Variants in DOCK4 observed in about 807,000 individuals in gnomAD.
DOCK4 encodes the protein dedicator of cytokinesis 4.
A neutral mutation model predicts 268.1 loss-of-function variants in DOCK4; 97 were observed. The ratio of observed to expected loss-of-function variants is 0.36; its 90% CI spans 0.31 to 0.43. DOCK4 has a LOEUF of 0.43. Among genes scored for constraint, DOCK4 ranks in the 20% least tolerant of loss-of-function variants. The probability of loss-of-function intolerance (pLI) is 1.00; values close to 1 mark genes in which losing one functional copy is unlikely to be tolerated. For missense variants in DOCK4, 2,145 were observed against 2,455.7 expected (o/e 0.87, Z 2.67); for synonymous variants, 954 against 887.2 (o/e 1.08, Z -1.34).
At chr7:111,831,588 G>T (rs931973182) in intron 26 of DOCK4, among the ~76,000 whole-genome samples, 2 of 151,670 alleles carry the variant, frequency 1.3e-5, no homozygotes, top group Non-Finnish European at 2.9e-5. Flanking sequence ...TGGCTGAAGC[G>T]ATACTCCCAT....
At chr7:111,782,782 A>G in intron 35 of DOCK4, 82 bp downstream of exon 35, 1 of 1,392,614 alleles carries the variant, frequency 7.2e-7, no homozygotes, top group Non-Finnish European at 1.0e-6. Flanking sequence ...ATTGCAGATT[A>G]AACACAAACA....
In DOCK4 at chr7:112,090,309, A is replaced by G. The variant is rs543263391; in HGVS notation, c.38-86178T>C. Among the ~76,000 whole-genome samples the G allele has an allele frequency of 3.3e-5, 5 of 152,246 alleles. No homozygotes were observed. The East Asian group carries it at 9.7e-4, about 29-fold the overall frequency. ...CTAATTATATTTTGAGATTGGGGGGAAGAAATTATGCATTTAGACATTCTG... is the reference window on the plus strand; with the variant it reads ...CTAATTATATTTTGAGATTGGGGGGGAGAAATTATGCATTTAGACATTCTG... On this transcript the variant is annotated intron_variant, in intron 1 of 52. Coordinates refer to ENST00000428084, the MANE Select transcript of DOCK4 (RefSeq NM_001363540.2).
intron 1 of DOCK4, among the ~76,000 whole-genome samples, chr7:112,180,777 G>T (rs531153936): frequency 9.3e-4 from 142 of 152,312 alleles, no homozygotes; most frequent in Non-Finnish European, 1.7e-3. Context: ...AGGGGCAGGG[G>T]TTGGCAAAGC....
At chr7:111,847,302 A>G (rs1804185168) in intron 23 of DOCK4, among the ~76,000 whole-genome samples, 176 bp from the exon 24 acceptor site, 1 of 152,246 alleles carries the variant, frequency 6.6e-6, no homozygotes, top group Non-Finnish European at 1.5e-5. Flanking sequence ...TCCCTAATGC[A>G]CAATTCCTAC....
chr7:111,989,299 G>GTTTGTCTGTTC, intron 5 of DOCK4, 136 bp from the exon 6 acceptor site: 1 of 1,180,032 alleles, frequency 8.5e-7, no homozygotes, highest in Non-Finnish European at 1.2e-6. Context: ...TCCGTGAACA[G>GTTTGTCTGTTC]ACAAACTGTT....
chr7:111,758,833 C>G (rs749982444), intron 40 of DOCK4, 43 bp from the exon 41 acceptor site: 1 of 1,597,726 alleles, frequency 6.3e-7, no homozygotes, highest in South Asian at 1.1e-5. Context: ...TTGGCAAACT[C>G]CATGGAAGTC....
intron 1 of DOCK4, among the ~76,000 whole-genome samples, chr7:112,026,474 G>A (rs889493590): frequency 2.2e-4 from 34 of 152,294 alleles, no homozygotes; most frequent in Admixed American, 1.7e-3. Flanking sequence ...GTTGGGGACC[G>A]CTGCCCTAAA....
chr7:111,841,354 G>A (rs1227347278), intron 25 of DOCK4, among the ~76,000 whole-genome samples: 4 of 151,982 alleles, frequency 2.6e-5, no homozygotes, highest in South Asian at 4.2e-4. Context: ...TTTAGTGGGG[G>A]TTTCAAGATG....
Position 111,736,960 on chromosome 7 carries a change from C to T in DOCK4, c.5262G>A (p.Gly1754=), listed in dbSNP as rs1795541528. ...GATTTGGGTCACTGCGTGGCAAGGC[C>T]CCGTCTCCAATATGATTAAACAGCA... is the stretch of plus-strand genomic sequence containing the variant. The part of the protein sequence containing the change: ...QRMLFNHIGD[G]ALPRSDPNLS... The change falls in exon 50 of 53, where the codon GGG becomes GGA. Residue 1754 remains glycine (G), a synonymous_variant. Transcript: ENST00000428084. The T allele has an allele frequency of 6.2e-7, 1 of 1,604,862 alleles. No individual in the cohort carries two copies. Among genetic ancestry groups the T allele is most frequent in the Non-Finnish European group, 8.5e-7 (1 of 1,175,710 alleles).
chr7:112,023,497 C>G, intron 1 of DOCK4: 1 of 340,640 alleles, frequency 2.9e-6, no homozygotes, highest in Non-Finnish European at 5.8e-6. Context: ...CTTTGCTTCT[C>G]ACGGAGCAAA....
intron 1 of DOCK4, among the ~76,000 whole-genome samples, chr7:112,188,757 G>A (rs186043543): frequency 1.1e-3 from 169 of 152,280 alleles, no homozygotes; most frequent in Non-Finnish European, 1.9e-3. Flanking sequence ...TAAGTCAGTG[G>A]TTTTCAAACC....
chr7:112,187,662 C>T (rs2116756813), intron 1 of DOCK4, among the ~76,000 whole-genome samples: 1 of 152,232 alleles, frequency 6.6e-6, no homozygotes, highest in South Asian at 2.1e-4. Flanking sequence ...GAATGTCATG[C>T]CATGATGACA....
intron 1 of DOCK4, among the ~76,000 whole-genome samples, chr7:112,113,762 T>C (rs1811879423): frequency 8.9e-6 from 1 of 112,806 alleles, no homozygotes; most frequent in Non-Finnish European, 1.8e-5. Context: ...TTTTTTTTTT[T>C]TTTTTTTTTT....
In DOCK4 at chr7:111,935,534, A is replaced by G. The variant is rs760012371; in HGVS notation, c.1066+6T>C. On this transcript the variant is annotated splice_donor_region_variant and intron_variant, in intron 12 of 52. Transcript: ENST00000428084. ...GTAGGGAAAGTCAGCCAGCCCATAC[A>G]CTCACCTGCATTGGAGCCAGTCAAG... 16 of 1,612,004 alleles carry G rather than the reference A, an allele frequency of 9.9e-6. No homozygotes were observed. The African/African-American group carries it at 1.2e-4, about 12-fold the overall frequency.
chr7:111,913,856 T>G (rs1443299364), intron 13 of DOCK4, among the ~76,000 whole-genome samples: 2 of 151,914 alleles, frequency 1.3e-5, no homozygotes, highest in Non-Finnish European at 2.9e-5. Flanking sequence ...CACACCAACC[T>G]GGACAACAGA....
chr7:111,741,111 C>T lies in DOCK4; in HGVS notation c.5023G>A (p.Glu1675Lys). Residue 1675 changes from glutamate (E) to lysine (K), a missense_variant, in exon 47 of 53, where the codon GAA becomes AAA. Transcript: ENST00000428084. ...NITGQSESSD[E>K]VFNMQPSPST... ...TTAAGTACCTGCATGTTAAAGACTT[C>T]ATCAGAGCTTTCTGATTGCCCTGTA... The T allele has an allele frequency of 6.2e-7, 1 of 1,613,884 alleles. No individual in the cohort carries two copies. Among genetic ancestry groups the T allele is most frequent in the Non-Finnish European group, 8.5e-7 (1 of 1,179,858 alleles).
At chr7:111,814,316 T>C (rs1212077844) in intron 27 of DOCK4, among the ~76,000 whole-genome samples, 2 of 152,194 alleles carry the variant, frequency 1.3e-5, no homozygotes, top group Non-Finnish European at 2.9e-5. Context: ...ATGGAACAGT[T>C]GCTCTCAACC....
chr7:111,963,437 A>T (rs184673158), intron 8 of DOCK4, among the ~76,000 whole-genome samples: 1 of 111,052 alleles, frequency 9.0e-6, no homozygotes, highest in Non-Finnish European at 1.7e-5. Flanking sequence ...AGTCAAAGAA[A>T]GGGGTGACTG....
intron 26 of DOCK4, among the ~76,000 whole-genome samples, chr7:111,830,888 C>T (rs1159614782): frequency 5.3e-5 from 8 of 152,092 alleles, no homozygotes; most frequent in Admixed American, 5.2e-4. Context: ...ATTTAGGGAA[C>T]CTTTCATGAT....
Sources: allele counts gnomAD v4.1 joint callset (sites outside exome capture counted in the v4.1 genomes callset), GRCh38; gene constraint gnomAD v4.1.1; transcripts MANE v1.5; gene names NCBI Gene and HGNC (gene_info 2026-07-23, HGNC 2026-07-21).